The following VPS53 variants were observed in gnomAD, a reference collection of about 807,000 sequenced individuals.
The protein encoded by VPS53 is VPS53 subunit of GARP complex, also known as vacuolar protein sorting-associated protein 53 homolog.
A neutral mutation model predicts 107.0 loss-of-function variants in VPS53; 70 were observed. That is an observed-to-expected ratio of 0.65 (90% CI 0.54 to 0.80). The LOEUF is 0.80. Ranked by LOEUF, VPS53 falls within the 30% of genes least tolerant of loss-of-function variation. VPS53 has a pLI of 0.00. For synonymous variants in VPS53, 409 were observed against 393.3 expected (o/e 1.04, Z -0.47); for missense variants, 917 against 1,049.4 (o/e 0.87, Z 1.74).
At chr17:614,738 T>C (rs1369681119) in intron 11 of VPS53, among the ~76,000 whole-genome samples, 4 of 152,168 alleles carry the variant, frequency 2.6e-5, no homozygotes, top group Non-Finnish European at 5.9e-5. Flanking sequence ...GTGAGCCTTT[T>C]GCAAACGCTC....
chr17:634,069 CCA>C (rs1251589414), intron 7 of VPS53, among the ~76,000 whole-genome samples: 1 of 152,224 alleles, frequency 6.6e-6, no homozygotes, highest in Non-Finnish European at 1.5e-5. Flanking sequence ...GCCAGGGCAC[CCA>C]CAGTCACATT....
chr17:622,537 G>A (rs1035527214), intron 11 of VPS53, among the ~76,000 whole-genome samples: 1 of 152,140 alleles, frequency 6.6e-6, no homozygotes, highest in African/African-American at 2.4e-5. Flanking sequence ...CGAGGAGACG[G>A]ATGAGTCAGC....
chr17:610,135 A>T (rs1479139931), intron 11 of VPS53, among the ~76,000 whole-genome samples: 29 of 7,562 alleles, frequency 3.8e-3, no homozygotes, highest in Admixed American at 0.014. Context: ...CGTCACACAC[A>T]CACACACACA....
At chr17:646,146 G>C (rs1393862754) in intron 7 of VPS53, among the ~76,000 whole-genome samples, 16 of 100,980 alleles carry the variant, frequency 1.6e-4, no homozygotes, top group South Asian at 7.3e-4. Flanking sequence ...GCCTCTGCCT[G>C]ATAAGGGTCT....
At position 532,968 on chromosome 17, in the gene VPS53, C is replaced by T; in HGVS notation, c.2016-57G>A. The T allele has an allele frequency of 2.5e-6, 4 of 1,578,766 alleles. No homozygotes were observed. In the Admixed American group the frequency reaches 5.4e-5, roughly 21 times the overall value. On this transcript the variant is annotated intron_variant, in intron 18 of 21. Transcript: ENST00000437048. ...TTATTCTCTCTTGAGGAAAGAAATG[C>T]AAAAACTTTAAGGTTCCACGTATCT...
At position 628,111 on chromosome 17, in the gene VPS53, C is replaced by G. The variant is rs769478748; in HGVS notation, c.808G>C (p.Val270Leu). The part of the protein sequence containing the change: ...FIKQHLSEYL[V>L]LFQENQDVAW... ...ACATCTTGGTTTTCTTGAAAAAGTA[C>G]CAGATACTCTGACAGATGCTGTTTA... is the stretch of plus-strand genomic sequence containing the variant. Residue 270 changes from valine to leucine, a missense_variant, in exon 9 of 22, where the codon GTA becomes CTA. Coordinates refer to ENST00000437048, the MANE Select transcript of VPS53 (RefSeq NM_001128159.3). 6.2e-7 allele frequency: 1 copy of G among 1,612,846 alleles called. No homozygotes were observed. Among genetic ancestry groups the G allele is most frequent in the East Asian group, 2.2e-5 (1 of 44,864 alleles).
At chr17:597,102 A>C (rs1344347679) in intron 12 of VPS53, among the ~76,000 whole-genome samples, 2 of 152,088 alleles carry the variant, frequency 1.3e-5, no homozygotes, top group East Asian at 3.9e-4. Context: ...TTGGCAACTG[A>C]TTGCTCAGGC....
At chr17:587,240 T>A (rs554653481) in intron 12 of VPS53, among the ~76,000 whole-genome samples, 1 of 152,292 alleles carries the variant, frequency 6.6e-6, no homozygotes, top group African/African-American at 2.4e-5. Context: ...TTTTTGTATT[T>A]TAAGTAGAGG....
chr17:656,723 TG>T, intron 5 of VPS53: 2 of 692,838 alleles, frequency 2.9e-6, no homozygotes, highest in South Asian at 1.6e-5. Context: ...TGTGTGTGTG[TG>T]TGTGTGTTTT....
chr17:657,462 G>C (rs113320864), intron 5 of VPS53: 18 of 1,284,828 alleles, frequency 1.4e-5, no homozygotes, highest in Non-Finnish European at 1.8e-5. Context: ...GGACGGACGA[G>C]GAGCAAACAC....
chr17:648,529 C>T (rs1597433870), intron 7 of VPS53, among the ~76,000 whole-genome samples: 1 of 152,090 alleles, frequency 6.6e-6, no homozygotes, highest in South Asian at 2.1e-4. Flanking sequence ...CCAGCCTGGG[C>T]GATGGAGTGA....
At chr17:714,500 C>G (rs903653583) in intron 1 of VPS53, 123 bp downstream of exon 1, 104 of 893,738 alleles carry the variant, frequency 1.2e-4, no homozygotes, top group Non-Finnish European at 1.6e-4. Context: ...CTCCCCACCT[C>G]CACTTTCCCT....
At chr17:669,570 G>C (rs1326419450) in intron 4 of VPS53, among the ~76,000 whole-genome samples, 1 of 127,278 alleles carries the variant, frequency 7.9e-6, no homozygotes, top group Non-Finnish European at 1.7e-5. Context: ...TCCAGCCTGG[G>C]TGACAGAGAC....
intron 4 of VPS53, among the ~76,000 whole-genome samples, chr17:689,399 G>A (rs1260032804): frequency 1.3e-5 from 2 of 151,234 alleles, no homozygotes; most frequent in Non-Finnish European, 2.9e-5. Flanking sequence ...CTGGGCTCAC[G>A]CAATCCTCCT....
chr17:564,794 G>A (rs571266977), intron 13 of VPS53, among the ~76,000 whole-genome samples: 164 of 152,244 alleles, frequency 1.1e-3, no homozygotes, highest in African/African-American at 3.1e-3. Context: ...GATGAGAGTT[G>A]CAATTTTTCT....
intron 2 of VPS53, among the ~76,000 whole-genome samples, chr17:709,609 C>G (rs545130880): frequency 1.9e-4 from 29 of 152,234 alleles, no homozygotes; most frequent in African/African-American, 6.3e-4. Flanking sequence ...ATGGACTGGA[C>G]CTTATCATCT....
At chr17:577,866 C>G (rs1317445683) in intron 13 of VPS53, among the ~76,000 whole-genome samples, 1 of 151,264 alleles carries the variant, frequency 6.6e-6, no homozygotes, top group African/African-American at 2.4e-5. Context: ...CAGAGAACCA[C>G]CCTCAGGACC....
At chr17:651,066 T>G (rs1970927186) in intron 7 of VPS53, among the ~76,000 whole-genome samples, 1 of 152,138 alleles carries the variant, frequency 6.6e-6, no homozygotes, top group South Asian at 2.1e-4. Context: ...GAGATAGGAT[T>G]AAAACTATAG....
chr17:712,425 C>T (rs1180724299), intron 1 of VPS53, among the ~76,000 whole-genome samples: 3 of 151,906 alleles, frequency 2.0e-5, no homozygotes, highest in African/African-American at 7.3e-5. Flanking sequence ...GTGATCCACC[C>T]GCCCTGGCCT....
Sources: allele counts gnomAD v4.1 joint callset (sites outside exome capture counted in the v4.1 genomes callset), GRCh38; gene constraint gnomAD v4.1.1; transcripts MANE v1.5; gene names NCBI Gene and HGNC (gene_info 2026-07-23, HGNC 2026-07-21).